Variants in FKBP3 observed in about 807,000 individuals in gnomAD.
The protein encoded by FKBP3 is peptidyl-prolyl cis-trans isomerase FKBP3.
A neutral mutation model predicts 30.6 loss-of-function variants in FKBP3; 21 were observed. The ratio of observed to expected loss-of-function variants is 0.69; its 90% CI spans 0.49 to 0.99. FKBP3 has a LOEUF of 0.99. Among genes scored for constraint, FKBP3 ranks in the 50% least tolerant of loss-of-function variants. The probability of loss-of-function intolerance (pLI) is 0.00; values close to 1 mark genes in which losing one functional copy is unlikely to be tolerated. For synonymous variants in FKBP3, 82 were observed against 91.3 expected (o/e 0.90, Z 0.58); for missense variants, 283 against 261.6 (o/e 1.08, Z -0.56).
intron 3 of FKBP3, among the ~76,000 whole-genome samples, chr14:45,126,998 T>C (rs1413064397): frequency 6.6e-6 from 1 of 152,038 alleles, no homozygotes; most frequent in Non-Finnish European, 1.5e-5. Context: ...GTATTTTTAG[T>C]AGAGACGGGG....
At chr14:45,133,345 T>TA (rs1223100399) in intron 1 of FKBP3, 2 of 295,366 alleles carry the variant, frequency 6.8e-6, no homozygotes, top group Non-Finnish European at 1.4e-5. Context: ...CACGCGCCTG[T>TA]AGTCCTAGCT....
intron 5 of FKBP3, among the ~76,000 whole-genome samples, chr14:45,118,894 T>G (rs2139076260): frequency 6.6e-6 from 1 of 152,292 alleles, no homozygotes; most frequent in South Asian, 2.1e-4. Context: ...TTCGCTCTTG[T>G]TGCCCTGGCT....
At position 45,127,115 on chromosome 14, in the gene FKBP3, C is replaced by CTTTTTTT. The variant is rs1231283034; in HGVS notation, c.318+2672_318+2678dup. On this transcript the variant is annotated intron_variant, in intron 3 of 6. Transcript: ENST00000396062. Reference sequence around the variant, plus strand: ...AGCCACTGTACCTGACTGACCCTGTCTTTTTTTTTTTTTTTGAGACAGAGT... The same window carrying CTTTTTTT: ...AGCCACTGTACCTGACTGACCCTGTCTTTTTTTTTTTTTTTTTTTTTTGAGACAGAGT... 6.6e-5 allele frequency among the ~76,000 whole-genome samples: 8 copies of CTTTTTTT among 120,688 alleles called. 1 individual carries two copies. The highest frequency in any genetic ancestry group is 2.2e-4 in the African/African-American group (6 of 26,970). The allele number at this position is 120,688 out of a possible 152,430, so 79.2% of individuals were successfully genotyped here.
At position 45,130,465 on chromosome 14, in the gene FKBP3, T is replaced by C. The variant is rs2295533; in HGVS notation, c.210+234A>G. ...TATAACTTCAGTGGACTTAAGAATT[T>C]GTTGTCTCAATTTAAGCTACAAAAT... On this transcript the variant is annotated intron_variant, in intron 2 of 6. Transcript: ENST00000396062. Among the ~76,000 whole-genome samples, 13 of 152,346 alleles carry C rather than the reference T, an allele frequency of 8.5e-5. No homozygotes were observed. In the East Asian group the frequency reaches 2.5e-3, roughly 29 times the overall value.
intron 3 of FKBP3, among the ~76,000 whole-genome samples, chr14:45,128,435 C>T (rs28637857): frequency 0.17 from 25,833 of 152,206 alleles, 4,228 homozygotes; most frequent in African/African-American, 0.43. Flanking sequence ...TGATGGAGAA[C>T]TGGGCAAAGG....
intron 2 of FKBP3, 140 bp from the exon 3 acceptor site, chr14:45,130,041 A>C: frequency 2.1e-6 from 1 of 468,010 alleles, no homozygotes; most frequent in South Asian, 4.3e-5. Context: ...AAATGGTCTA[A>C]GGAAACGAAG....
chr14:45,131,628 CAAAAAA>C (rs536298530), intron 1 of FKBP3, among the ~76,000 whole-genome samples: 2 of 39,468 alleles, frequency 5.1e-5, no homozygotes, highest in African/African-American at 1.7e-4. Flanking sequence ...GACTCTGTCT[CAAAAAA>C]AAAAAAAAAA....
intron 6 of FKBP3, among the ~76,000 whole-genome samples, chr14:45,116,888 A>AGAG (rs768678159): frequency 3.9e-5 from 6 of 152,076 alleles, no homozygotes; most frequent in Middle Eastern, 3.4e-3. Flanking sequence ...TGCTAACTTA[A>AGAG]GAGTTATATA....
chr14:45,133,229 AGGCCGAGGCGGGC>A, intron 1 of FKBP3: 1 of 159,524 alleles, frequency 6.3e-6, no homozygotes, highest in Non-Finnish European at 1.4e-5. Context: ...GCACTTTGGG[AGGCCGAGGCGGGC>A]GGATCACGAG....
chr14:45,118,307 G>C (rs568423995), intron 5 of FKBP3, among the ~76,000 whole-genome samples, 182 bp from the exon 6 acceptor site: 133 of 151,460 alleles, frequency 8.8e-4, no homozygotes, highest in African/African-American at 3.1e-3. Flanking sequence ...TTCTTCAATA[G>C]AAAAAAAAGG....
intron 5 of FKBP3, 85 bp from the exon 6 acceptor site, chr14:45,118,210 TAAAAC>T (rs1884898629): frequency 1.3e-6 from 1 of 741,938 alleles, no homozygotes; most frequent in Admixed American, 2.5e-5. Flanking sequence ...GATTGTATGT[TAAAAC>T]AAACACAGAA....
At chr14:45,117,491 TA>T (rs1222970164) in intron 6 of FKBP3, among the ~76,000 whole-genome samples, 2 of 151,696 alleles carry the variant, frequency 1.3e-5, no homozygotes, top group African/African-American at 4.9e-5. Context: ...ATTTTTTTTT[TA>T]AATGTTCACA....
chr14:45,129,272 A>C (rs1885164844), intron 3 of FKBP3, among the ~76,000 whole-genome samples: 1 of 152,202 alleles, frequency 6.6e-6, no homozygotes, highest in Non-Finnish European at 1.5e-5. Context: ...TTAGTAGCTG[A>C]TCTTAGCTCT....
At chr14:45,118,764 T>G (rs769866407) in intron 5 of FKBP3, among the ~76,000 whole-genome samples, 3 of 152,244 alleles carry the variant, frequency 2.0e-5, no homozygotes, top group Non-Finnish European at 4.4e-5. Flanking sequence ...GAGTTTATTT[T>G]TATTGGAATA....
At chr14:45,126,211 C>T (rs979260046) in intron 3 of FKBP3, among the ~76,000 whole-genome samples, 1 of 149,620 alleles carries the variant, frequency 6.7e-6, no homozygotes, top group Non-Finnish European at 1.5e-5. Flanking sequence ...CTATACAGGC[C>T]GGGCACAGTG....
chr14:45,119,689 A>T (rs577851901), intron 5 of FKBP3, among the ~76,000 whole-genome samples: 2 of 143,726 alleles, frequency 1.4e-5, no homozygotes, highest in South Asian at 2.2e-4. Context: ...GCAGGTAACA[A>T]TTTTTTTTTT....
At chr14:45,128,008 T>G (rs1182949114) in intron 3 of FKBP3, among the ~76,000 whole-genome samples, 1 of 152,102 alleles carries the variant, frequency 6.6e-6, no homozygotes, top group East Asian at 1.9e-4. Flanking sequence ...TGGCTAGACA[T>G]TCACATTTTG....
intron 1 of FKBP3, among the ~76,000 whole-genome samples, chr14:45,133,666 A>G (rs543604219): frequency 6.6e-6 from 1 of 152,312 alleles, no homozygotes; most frequent in Admixed American, 6.5e-5. Context: ...TTGACTATAG[A>G]CGGATGGTTA....
At chr14:45,132,859 TGATG>T (rs1482790202) in intron 1 of FKBP3, among the ~76,000 whole-genome samples, 2 of 152,208 alleles carry the variant, frequency 1.3e-5, no homozygotes, top group Non-Finnish European at 2.9e-5. Flanking sequence ...CATAAGAATA[TGATG>T]GATGAAGTAC....
Sources: allele counts gnomAD v4.1 joint callset (sites outside exome capture counted in the v4.1 genomes callset), GRCh38; gene constraint gnomAD v4.1.1; transcripts MANE v1.5; gene names NCBI Gene and HGNC (gene_info 2026-07-23, HGNC 2026-07-21).